The following HEXD variants were observed in gnomAD, a reference collection of about 807,000 sequenced individuals.
HEXD encodes N-acetyl-beta-galactosaminidase.
In HEXD, 47 loss-of-function variants were observed where a neutral mutation model predicts 54.2. The observed-to-expected ratio is 0.87, with a 90% CI of 0.69 to 1.11. HEXD has a LOEUF of 1.11. HEXD is among the 50% of genes least tolerant of loss of function. The pLI, the probability that HEXD is intolerant of heterozygous loss-of-function variation, is 0.00. For synonymous variants in HEXD, 293 were observed against 287.6 expected, an observed-to-expected ratio of 1.02 and a Z score of -0.19; for missense variants, 576 against 649.2, an observed-to-expected ratio of 0.89 and a Z score of 1.23.
chr17:82,434,047 G>A lies in HEXD; in HGVS notation c.447+225G>A, dbSNP rs1188605164. 2.0e-5 allele frequency among the ~76,000 whole-genome samples: 3 copies of A among 151,814 alleles called. No homozygotes were observed. The highest frequency in any genetic ancestry group is 3.4e-3 in the Middle Eastern group (1 of 290). ...GTCAGACGCGTCCAACATCTTCTCC[G>A]GGTGGATGGGCGGCCTGGCACGGGA... On this transcript the variant is annotated intron_variant, in intron 5 of 12. Transcript: ENST00000327949. This position sits in a 1 kb window ranked among gnomAD's most constrained non-coding sequence, Gnocchi z 4.5.
chr17:82,430,136 C>T (rs906863861), intron 4 of HEXD, among the ~76,000 whole-genome samples: 2 of 152,140 alleles, frequency 1.3e-5, no homozygotes, highest in Non-Finnish European at 2.9e-5. Flanking sequence ...ATGGGTCTCC[C>T]GGGGCCACTC....
intron 9 of HEXD, chr17:82,440,425 C>A: frequency 1.3e-6 from 1 of 753,144 alleles, no homozygotes; most frequent in Non-Finnish European, 1.8e-6. Flanking sequence ...AACAGACACC[C>A]CTGTACCCCA....
chr17:82,433,715 A>G lies in HEXD; in HGVS notation c.340A>G (p.Thr114Ala), dbSNP rs762125074. The G allele has an allele frequency of 5.0e-6, 8 of 1,612,916 alleles. No homozygotes were observed. The highest frequency in any genetic ancestry group is 2.2e-5 in the South Asian group (2 of 90,968). ...HLREVGSFPC[T>A]LNPHEAESLA... is the part of the protein sequence containing the mutation. ...GCGGGAGGTGGGCTCCTTCCCCTGC[A>G]CCCTGAACCCCCACGAGGCAGAGTC... Residue 114 changes from threonine (T) to alanine (A), a missense_variant, in exon 5 of 13, where the codon ACC becomes GCC. Transcript: ENST00000327949.
chr17:82,424,773 C>A (rs1055569420), intron 3 of HEXD, among the ~76,000 whole-genome samples: 1 of 152,250 alleles, frequency 6.6e-6, no homozygotes, highest in Non-Finnish European at 1.5e-5. Context: ...AGCTGCAGTT[C>A]CTGTCTCTGT....
rs1434089387 is a variant in HEXD, at chr17:82,428,626, A to G, written c.263A>G (p.Gln88Arg). 3 of 1,613,086 alleles carry G rather than the reference A, an allele frequency of 1.9e-6. No individual in the cohort carries two copies. In the African/African-American group the frequency reaches 4.0e-5, roughly 22 times the overall value. The change falls in exon 4 of 13, where the codon CAG becomes CGG. Residue 88 changes from glutamine (Q) to arginine (R), a missense_variant. Coordinates refer to ENST00000327949, the MANE Select transcript of HEXD (RefSeq NM_001330542.2). ...LNELEVIPLV[Q>R]TFGHMEFVLK... The stretch of plus-strand genomic sequence containing the variant: ...GAGCTGGAGGTGATTCCCTTGGTGC[A>G]GACATTTGGACACATGGAGGTGAGT...
chr17:82,440,208 G>T, intron 9 of HEXD: 1 of 1,289,768 alleles, frequency 7.8e-7, no homozygotes, highest in Non-Finnish European at 1.0e-6. Context: ...GGAGCTGTGT[G>T]TGTGGAAACT....
Position 82,441,071 on chromosome 17 carries a change from G to C in HEXD, c.1057G>C (p.Val353Leu), listed in dbSNP as rs758260470. The C allele has an allele frequency of 3.1e-6, 5 of 1,613,482 alleles. No homozygotes were observed. ...TTCCAGCCTGGAAAAAACGGACCCT[G>C]TTAGGCAAGCACCCTGCAGCCCTCC... ...GISSLEKTDP[V>L]REGAGSFPGS... Residue 353 changes from valine (V) to leucine (L), a missense_variant, in exon 10 of 13, where the codon GTT becomes CTT. By Grantham distance (32) the Val-to-Leu change is conservative. Coordinates refer to ENST00000327949, the MANE Select transcript of HEXD (RefSeq NM_001330542.2).
At chr17:82,428,489 C>A in intron 3 of HEXD, 69 bp from the exon 4 acceptor site, 1 of 1,369,876 alleles carries the variant, frequency 7.3e-7, no homozygotes, top group Non-Finnish European at 1.0e-6. Context: ...TGAGGAAGGG[C>A]TGGGGGGGTG....
chr17:82,441,295 G>A (rs1329776302), intron 11 of HEXD, 29 bp downstream of exon 11: 1 of 1,591,484 alleles, frequency 6.3e-7, no homozygotes, highest in Admixed American at 1.8e-5. Context: ...GGCAGGTGTG[G>A]GTGAGGGGGG....
intron 2 of HEXD, 129 bp downstream of exon 2, chr17:82,420,012 T>C (rs1446993568): frequency 2.0e-5 from 8 of 405,098 alleles, no homozygotes; most frequent in Non-Finnish European, 1.3e-5. Flanking sequence ...AGCAAGATGG[T>C]GGCAGCAGCA....
At position 82,423,012 on chromosome 17, in the gene HEXD, G is replaced by A. The variant is rs141533021; in HGVS notation, c.85-1382G>A. Among the ~76,000 whole-genome samples, 752 of 151,556 alleles carry A rather than the reference G, an allele frequency of 5.0e-3. 8 individuals are homozygous for A. The highest frequency in any genetic ancestry group is 0.017 in the African/African-American group (721 of 41,300). On this transcript the variant is annotated intron_variant, in intron 2 of 12. Coordinates refer to ENST00000327949, the MANE Select transcript of HEXD (RefSeq NM_001330542.2). Reference sequence around the variant, plus strand: ...GCGGAGGTTGTGGTGAGCTGAGATCGTGCCACTGCACTCCATCCTGGGGGA... The same window carrying A: ...GCGGAGGTTGTGGTGAGCTGAGATCATGCCACTGCACTCCATCCTGGGGGA...
At chr17:82,419,281 G>C (rs1184571747) in intron 1 of HEXD, among the ~76,000 whole-genome samples, 1 of 152,100 alleles carries the variant, frequency 6.6e-6, no homozygotes, top group African/African-American at 2.4e-5. Flanking sequence ...AGTCAGTTTT[G>C]CAGTTTCTTC....
intron 9 of HEXD, chr17:82,440,533 G>A (rs899419878): frequency 1.8e-5 from 6 of 327,990 alleles, no homozygotes; most frequent in Non-Finnish European, 2.9e-5. Flanking sequence ...CCTGCCCTCT[G>A]GCCGTCAGCC....
rs1320682287 is a variant in HEXD at position 82,419,805 on chromosome 17, A to G, written c.6A>G (p.Ser2=). 1 of 1,602,036 alleles carries G rather than the reference A, an allele frequency of 6.2e-7. No homozygotes were observed. Among genetic ancestry groups the G allele is most frequent in the Admixed American group, 1.7e-5 (1 of 59,896 alleles). M[S]GSTPFQMRLV... ...AGTTCACAGGAAATATTGAAATGTC[A>G]GGTTCCACTCCATTTCAGATGAGAT... Residue 2 remains serine, a synonymous_variant, in exon 2 of 13, where the codon TCA becomes TCG. Coordinates refer to ENST00000327949, the MANE Select transcript of HEXD (RefSeq NM_001330542.2).
rs935533077 is a variant in HEXD, at chr17:82,442,002, G to C, written c.1253+113G>C. ...GAGGGTGAGCCCCTAGTTGTAAAAG[G>C]CCCTCTGGTCTCAGATGTGCAGCTG... On this transcript the variant is annotated intron_variant, in intron 12 of 12. Coordinates refer to ENST00000327949, the MANE Select transcript of HEXD (RefSeq NM_001330542.2). This position sits in a 1 kb window ranked among gnomAD's most constrained non-coding sequence, Gnocchi z 6.8. The C allele has an allele frequency of 7.6e-7, 1 of 1,322,014 alleles. No homozygotes were observed. Among genetic ancestry groups the C allele is most frequent in the Non-Finnish European group, 1.1e-6 (1 of 934,472 alleles). 81.9% of individuals were successfully genotyped at this position (1,322,014 alleles called of 1,614,324 possible).
In HEXD at chr17:82,418,432, G is replaced by C; in HGVS notation, c.-360G>C. On this transcript the variant is annotated 5_prime_UTR_variant, in exon 1 of 13. Transcript: ENST00000327949. ...GCTACCTGCTCCGGTTCCGGCGCTCGGCCGCTCCGTTGCCCTCGGGCGCCT... is the reference window on the plus strand; with the variant it reads ...GCTACCTGCTCCGGTTCCGGCGCTCCGCCGCTCCGTTGCCCTCGGGCGCCT... 1.4e-6 allele frequency: 2 copies of C among 1,478,938 alleles called. No homozygotes were observed. The highest frequency in any genetic ancestry group is 1.5e-5 in the African/African-American group (1 of 68,228). The allele number at this position is 1,478,938 out of a possible 1,614,324, so 91.6% of individuals were successfully genotyped here. A position where few individuals can be genotyped will look rare whatever the true frequency, so the allele number is the denominator to read the frequency against.
In HEXD at chr17:82,434,221, T is replaced by C. The variant is rs1015261735; in HGVS notation, c.447+399T>C. On this transcript the variant is annotated intron_variant, in intron 5 of 12. Coordinates refer to ENST00000327949, the MANE Select transcript of HEXD (RefSeq NM_001330542.2). The surrounding 1 kb of genome is among the most constrained non-coding windows in gnomAD (Gnocchi z 4.5). ...AGGGTGTAACTCGAGGGACACCCTT[T>C]TGTTGCTGAGAGGAAGTTCTGCATT... 4.6e-5 allele frequency among the ~76,000 whole-genome samples: 7 copies of C among 152,148 alleles called. No homozygotes were observed. Among genetic ancestry groups the C allele is most frequent in the Non-Finnish European group, 2.9e-5 (2 of 68,002 alleles).
chr17:82,423,011 C>T (rs1186900265), intron 2 of HEXD, among the ~76,000 whole-genome samples: 5 of 151,374 alleles, frequency 3.3e-5, no homozygotes, highest in African/African-American at 7.3e-5. Flanking sequence ...GAGCTGAGAT[C>T]GTGCCACTGC....
intron 11 of HEXD, 78 bp from the exon 12 acceptor site, chr17:82,441,722 C>T: frequency 9.2e-7 from 1 of 1,083,598 alleles, no homozygotes; most frequent in African/African-American, 1.5e-5. Context: ...CATTCTTAAA[C>T]ATTTTCTGTA....
Sources: gnomAD v4.1 joint callset for allele counts (sites outside exome capture counted in the v4.1 genomes callset) on GRCh38, gnomAD v4.1.1 for gene constraint, Gnocchi (gnomAD v3.1) non-coding constraint, MANE v1.5 for transcripts, NCBI Gene and HGNC (gene_info 2026-07-23, HGNC 2026-07-21) for gene names.